The following SGTA variants were observed in gnomAD, a reference collection of about 807,000 sequenced individuals.
SGTA encodes small glutamine rich tetratricopeptide repeat co-chaperone alpha.
In SGTA, 22 loss-of-function variants were observed where a neutral mutation model predicts 44.3. The observed-to-expected ratio is 0.50, with a 90% confidence interval of 0.36 to 0.71. The LOEUF (loss-of-function observed/expected upper bound fraction) is 0.71, where lower values mean the gene tolerates loss of function less well. Ranked by LOEUF, SGTA falls within the 30% of genes least tolerant of loss-of-function variation. The pLI is 0.00. For synonymous variants in SGTA, 174 were observed against 177.6 expected (o/e 0.98, Z 0.16); for missense variants, 341 against 435.9 (o/e 0.78, Z 1.94).
chr19:2,767,107 T>C lies in SGTA; in HGVS notation c.292+29A>G. On this transcript the variant is annotated intron_variant, in intron 4 of 11. Coordinates refer to ENST00000221566, the MANE Select transcript of SGTA (RefSeq NM_003021.4). The surrounding 1 kb of genome is among the most constrained non-coding windows in gnomAD (Gnocchi z 7.3). ...GCCCCGGAGTCCAGGTAGGGCGAGG[T>C]GTCTGTGGGGATGGAGGTCCTCCCT... The C allele has an allele frequency of 6.6e-7, 1 of 1,526,682 alleles. No individual in the cohort carries two copies. Among genetic ancestry groups the C allele is most frequent in the Non-Finnish European group, 9.0e-7 (1 of 1,109,124 alleles). 94.6% of individuals were successfully genotyped at this position (1,526,682 alleles called of 1,614,324 possible).
chr19:2,774,303 TAGAC>T (rs1915391461), intron 1 of SGTA, among the ~76,000 whole-genome samples: 1 of 151,964 alleles, frequency 6.6e-6, no homozygotes, highest in Admixed American at 6.5e-5. Flanking sequence ...CAGGATCACA[TAGAC>T]AGGAGAACAA....
intron 4 of SGTA, among the ~76,000 whole-genome samples, chr19:2,766,744 C>T (rs773250847): frequency 1.2e-4 from 18 of 152,012 alleles, no homozygotes; most frequent in Non-Finnish European, 2.4e-4. Context: ...CCTCTTCTTG[C>T]TTTTTGACTC....
At chr19:2,759,923 G>A (rs1568307429) in intron 8 of SGTA, among the ~76,000 whole-genome samples, 1 of 152,074 alleles carries the variant, frequency 6.6e-6, no homozygotes, top group Non-Finnish European at 1.5e-5. Flanking sequence ...TCACACCGCT[G>A]CACTCCAGCC....
At chr19:2,757,608 C>T in intron 10 of SGTA, 85 bp downstream of exon 10, 1 of 1,438,432 alleles carries the variant, frequency 7.0e-7, no homozygotes, top group Non-Finnish European at 9.3e-7. Context: ...GGGGACGCAG[C>T]ACTTTCGCTC....
At chr19:2,774,934 A>G (rs1406968718) in intron 1 of SGTA, among the ~76,000 whole-genome samples, 1 of 152,174 alleles carries the variant, frequency 6.6e-6, no homozygotes, top group Non-Finnish European at 1.5e-5. Context: ...GGATGTGCTG[A>G]GACACTTGGT....
rs1250567339 is a variant in SGTA, at chr19:2,765,293, G to C, written c.293-8C>G. 2 of 1,607,788 alleles carry C rather than the reference G, an allele frequency of 1.2e-6. No homozygotes were observed. The highest frequency in any genetic ancestry group is 1.1e-5 in the South Asian group (1 of 90,784). On this transcript the variant is annotated splice_polypyrimidine_tract_variant and splice_region_variant and intron_variant, in intron 4 of 11. Transcript: ENST00000221566. This position sits in a 1 kb window ranked among gnomAD's most constrained non-coding sequence, Gnocchi z 5.5. ...CTTTCATCTGCTCGTTTCCTACAGG[G>C]AGAGAGGAAAACACCGGCCCGGTGT...
At position 2,763,816 on chromosome 19, in the gene SGTA, C is replaced by T; in HGVS notation, c.393-59G>A. On this transcript the variant is annotated intron_variant, in intron 5 of 11. Transcript: ENST00000221566. The surrounding 1 kb of genome is among the most constrained non-coding windows in gnomAD (Gnocchi z 5.8). ...GGCGGCTCTGAGCCCAGCGGGCAGC[C>T]CTTGAGGGGAGCCTGAGAGCTGCGT... The T allele has an allele frequency of 7.2e-7, 1 of 1,390,246 alleles. No individual in the cohort carries two copies. The highest frequency in any genetic ancestry group is 1.0e-6 in the Non-Finnish European group (1 of 995,832). 86.1% of individuals were successfully genotyped at this position (1,390,246 alleles called of 1,614,324 possible).
rs1011505216 is a variant in SGTA, at chr19:2,765,091, G to A, written c.392+95C>T. 24 of 825,766 alleles carry A rather than the reference G, an allele frequency of 2.9e-5. No individual in the cohort carries two copies. The East Asian group carries it at 3.8e-4, about 13-fold the overall frequency. 51.2% of individuals were successfully genotyped at this position (825,766 alleles called of 1,614,324 possible). On this transcript the variant is annotated intron_variant, in intron 5 of 11. Coordinates refer to ENST00000221566, the MANE Select transcript of SGTA (RefSeq NM_003021.4). The surrounding 1 kb of genome is among the most constrained non-coding windows in gnomAD (Gnocchi z 5.5). ...GGTGAATGGATCCCTCATCTACAGC[G>A]CAGAGGCCTCTCCCATCTCAGGTCC...
chr19:2,756,430 G>T (rs1011263421), intron 11 of SGTA, among the ~76,000 whole-genome samples: 1 of 151,014 alleles, frequency 6.6e-6, no homozygotes, highest in Admixed American at 6.6e-5. Flanking sequence ...CCCTCCAGCC[G>T]GGGGGACAGA....
At chr19:2,782,837 G>A (rs889038269) in intron 1 of SGTA, among the ~76,000 whole-genome samples, 1 of 152,208 alleles carries the variant, frequency 6.6e-6, no homozygotes, top group Non-Finnish European at 1.5e-5. Context: ...GGGACTGGCG[G>A]CGCTGGAACC....
intron 1 of SGTA, among the ~76,000 whole-genome samples, chr19:2,782,098 G>A (rs1399202833): frequency 6.6e-6 from 1 of 152,108 alleles, no homozygotes; most frequent in Non-Finnish European, 1.5e-5. Flanking sequence ...CGTATGGTAG[G>A]GTTTTTAAAG....
chr19:2,771,422 CA>C (rs796104240), intron 1 of SGTA, among the ~76,000 whole-genome samples: 88 of 144,440 alleles, frequency 6.1e-4, no homozygotes, highest in East Asian at 8.0e-4. Flanking sequence ...GACTCCATGT[CA>C]AAAAAAAAAA....
In SGTA at chr19:2,757,456, C is replaced by T. The variant is rs769388290; in HGVS notation, c.829G>A (p.Gly277Ser). The part of the protein sequence containing the change: ...QNDLASLIQA[G>S]QQFAQQMQQQ... Reference sequence around the variant, plus strand: ...TGCATCTGCTGGGCAAACTGCTGGCCCCTGCGGGGAAGGGCACATGGGGCT... The same window carrying T: ...TGCATCTGCTGGGCAAACTGCTGGCTCCTGCGGGGAAGGGCACATGGGGCT... The change falls in exon 11 of 12, where the codon GGC becomes AGC. Residue 277 changes from glycine (G) to serine (S), a missense_variant and splice_region_variant. Coordinates refer to ENST00000221566, the MANE Select transcript of SGTA (RefSeq NM_003021.4). 2 of 1,607,500 alleles carry T rather than the reference C, an allele frequency of 1.2e-6. No homozygotes were observed. The highest frequency in any genetic ancestry group is 1.7e-6 in the Non-Finnish European group (2 of 1,179,858).
Position 2,763,661 on chromosome 19 carries a change from G to A in SGTA, c.489C>T (p.Gly163=). 1 of 1,612,030 alleles carries A rather than the reference G, an allele frequency of 6.2e-7. No individual in the cohort carries two copies. Among genetic ancestry groups the A allele is most frequent in the Non-Finnish European group, 8.5e-7 (1 of 1,178,742 alleles). ...CIDPAYSKAY[G]RMGLALSSLN... The stretch of plus-strand genomic sequence containing the variant: ...CGTGGACAGGCACTCACCCCATCCT[G>A]CCGTAGGCCTTGCTGTAGGCCGGGT... Residue 163 remains glycine, a synonymous_variant, in exon 6 of 12, where the codon GGC becomes GGT. Transcript: ENST00000221566. The surrounding 1 kb of genome is among the most constrained non-coding windows in gnomAD (Gnocchi z 5.8).
In SGTA at chr19:2,761,609, C is replaced by A; in HGVS notation, c.637-87G>T. 1.8e-6 allele frequency: 2 copies of A among 1,100,748 alleles called. No homozygotes were observed. The highest frequency in any genetic ancestry group is 2.7e-6 in the Non-Finnish European group (2 of 743,816). The allele number at this position is 1,100,748 out of a possible 1,614,324, so 68.2% of individuals were successfully genotyped here. On this transcript the variant is annotated intron_variant, in intron 7 of 11. Coordinates refer to ENST00000221566, the MANE Select transcript of SGTA (RefSeq NM_003021.4). This position sits in a 1 kb window ranked among gnomAD's most constrained non-coding sequence, Gnocchi z 5.7. ...CTGGAACTCAGAAACAACGGCCCCC[C>A]ACGGGGCTCAGACATTCTATCAACC...
At chr19:2,762,402 C>A in intron 7 of SGTA, 104 bp downstream of exon 7, 1 of 1,196,448 alleles carries the variant, frequency 8.4e-7, no homozygotes, top group Non-Finnish European at 1.2e-6. Context: ...CGGACCCTCA[C>A]GACACCCAGG....
chr19:2,773,811 CA>C lies in SGTA; in HGVS notation c.-23-4721del, dbSNP rs1160189625. 8.6e-4 allele frequency among the ~76,000 whole-genome samples: 66 copies of C among 77,042 alleles called. 2 individuals carry two copies. Among genetic ancestry groups the C allele is most frequent in the Non-Finnish European group, 1.2e-3 (53 of 42,998 alleles). The allele number at this position is 77,042 out of a possible 152,430, so 50.5% of individuals were successfully genotyped here. The stretch of plus-strand genomic sequence containing the variant: ...AGAGGTGGGTGACGCGGCCACACGG[CA>C]GGGACACCGAGGGCAGAGGTGGGTG... On this transcript the variant is annotated intron_variant, in intron 1 of 11. Transcript: ENST00000221566.
At chr19:2,756,292 T>C (rs753706497) in intron 11 of SGTA, among the ~76,000 whole-genome samples, 10 of 151,388 alleles carry the variant, frequency 6.6e-5, no homozygotes, top group Non-Finnish European at 1.0e-4. Context: ...AAAATATTAA[T>C]GTTGGTGGCT....
intron 8 of SGTA, among the ~76,000 whole-genome samples, chr19:2,759,815 C>T (rs1364333799): frequency 3.3e-5 from 5 of 151,856 alleles, no homozygotes; most frequent in Admixed American, 6.6e-5. Context: ...ATGAAATTAG[C>T]CAGGTGTGGT....
Sources: gnomAD v4.1 joint callset for allele counts (sites outside exome capture counted in the v4.1 genomes callset) on GRCh38, gnomAD v4.1.1 for gene constraint, Gnocchi (gnomAD v3.1) non-coding constraint, MANE v1.5 for transcripts, NCBI Gene and HGNC (gene_info 2026-07-23, HGNC 2026-07-21) for gene names.